Variants in CFAP96 observed in about 807,000 individuals in gnomAD.
CFAP96 encodes the protein cilia and flagella associated protein 96.
At chr4:185,428,042 C>A in the CFAP96 span, among the ~76,000 whole-genome samples, 250 of 149,838 alleles carry the variant, frequency 1.7e-3, no homozygotes, top group African/African-American at 5.6e-3. Flanking sequence ...GCCGAGATCG[C>A]GCTATTGCAC....
At chr4:185,417,658 T>C in the CFAP96 span, among the ~76,000 whole-genome samples, 1 of 152,174 alleles carries the variant, frequency 6.6e-6, no homozygotes, top group Non-Finnish European at 1.5e-5. Context: ...TTCATACAAC[T>C]TCGTGCCTTG....
At chr4:185,447,694 T>G in the CFAP96 span, among the ~76,000 whole-genome samples, 6 of 152,304 alleles carry the variant, frequency 3.9e-5, no homozygotes, top group South Asian at 1.2e-3. Context: ...GTCTTTCCTA[T>G]GAATTCAATT....
chr4:185,440,432 G>C, the CFAP96 span: 1 of 696,498 alleles, frequency 1.4e-6, no homozygotes, highest in Non-Finnish European at 2.3e-6. Context: ...ACACCCAGCA[G>C]GATAGATTTA....
chr4:185,415,849 C>T, the CFAP96 span: 1 of 1,613,064 alleles, frequency 6.2e-7, no homozygotes, highest in Non-Finnish European at 8.5e-7. Flanking sequence ...AGCATAAGAT[C>T]TATATTTACT....
At chr4:185,420,033 C>G in the CFAP96 span, among the ~76,000 whole-genome samples, 2 of 152,310 alleles carry the variant, frequency 1.3e-5, no homozygotes, top group Admixed American at 6.5e-5. Context: ...CATCAGTAAT[C>G]TATAAGGATT....
the CFAP96 span, chr4:185,418,837 T>C: frequency 8.0e-7 from 1 of 1,248,580 alleles, no homozygotes; most frequent in South Asian, 1.7e-5. Context: ...GTTCCAAACA[T>C]ACACAAAAGT....
chr4:185,413,747 T>G, the CFAP96 span: 2 of 1,611,968 alleles, frequency 1.2e-6, no homozygotes, highest in Non-Finnish European at 1.7e-6. Flanking sequence ...CCATGTTAGG[T>G]GGATTAAGGT....
chr4:185,414,421 A>T, the CFAP96 span, among the ~76,000 whole-genome samples: 1 of 152,198 alleles, frequency 6.6e-6, no homozygotes, highest in African/African-American at 2.4e-5. Flanking sequence ...AAAACATGTA[A>T]TAGGTATTTT....
At chr4:185,433,408 AAAAAAG>A in the CFAP96 span, among the ~76,000 whole-genome samples, 205 of 79,704 alleles carry the variant, frequency 2.6e-3, no homozygotes, top group African/African-American at 6.2e-3. Flanking sequence ...AAAAAAAAAA[AAAAAAG>A]AAAAGAAAAG....
chr4:185,426,098 A>T, the CFAP96 span: 1 of 590,578 alleles, frequency 1.7e-6, no homozygotes, highest in East Asian at 2.8e-5. Flanking sequence ...CTATTAGTTA[A>T]GTCTTTTCTG....
At chr4:185,417,525 T>G in the CFAP96 span, among the ~76,000 whole-genome samples, 4 of 152,172 alleles carry the variant, frequency 2.6e-5, no homozygotes, top group Non-Finnish European at 4.4e-5. Context: ...GCAATCCCTC[T>G]TCTCTATTTC....
chr4:185,423,436 G>T, the CFAP96 span, among the ~76,000 whole-genome samples: 1 of 152,136 alleles, frequency 6.6e-6, no homozygotes. Context: ...AGAATCAAAG[G>T]TTTATATTCA....
the CFAP96 span, among the ~76,000 whole-genome samples, chr4:185,438,168 A>C: frequency 6.6e-6 from 1 of 151,936 alleles, no homozygotes; most frequent in African/African-American, 2.4e-5. Flanking sequence ...ATTTCTTCAG[A>C]TATTTTTATC....
the CFAP96 span, chr4:185,418,661 AGGCCAT>A: frequency 7.4e-6 from 12 of 1,613,950 alleles, no homozygotes; most frequent in Non-Finnish European, 1.0e-5. Flanking sequence ...TGTCACTGCT[AGGCCAT>A]ATATACACTG....
chr4:185,436,012 CCTT>C, the CFAP96 span: 8 of 1,470,334 alleles, frequency 5.4e-6, no homozygotes, highest in Non-Finnish European at 5.4e-6. Flanking sequence ...ATTTTAACCT[CCTT>C]CTTTTAAAAC....
At chr4:185,424,577 G>A in the CFAP96 span, among the ~76,000 whole-genome samples, 12,900 of 152,150 alleles carry the variant, frequency 0.085, 959 homozygotes, top group African/African-American at 0.19. Context: ...TTAGCTTCAT[G>A]TTGTCCATTT....
At chr4:185,425,570 C>A in the CFAP96 span, among the ~76,000 whole-genome samples, 123 of 152,320 alleles carry the variant, frequency 8.1e-4, no homozygotes, top group Middle Eastern at 0.01. Context: ...CCAGGTTAAG[C>A]CCTTCTTGCA....
the CFAP96 span, among the ~76,000 whole-genome samples, chr4:185,438,097 A>G: frequency 6.7e-6 from 1 of 150,372 alleles, no homozygotes; most frequent in Admixed American, 6.6e-5. Flanking sequence ...AGGTTTATTG[A>G]GCTTCTTGGA....
chr4:185,429,304 C>T, the CFAP96 span: 2 of 568,348 alleles, frequency 3.5e-6, no homozygotes, highest in South Asian at 3.4e-5. Flanking sequence ...TAAACTTTTC[C>T]CCTTTATTTT....
Sources: allele counts gnomAD v4.1 joint callset (sites outside exome capture counted in the v4.1 genomes callset), GRCh38; gene constraint gnomAD v4.1.1; transcripts MANE v1.5; gene names NCBI Gene and HGNC (gene_info 2026-07-23, HGNC 2026-07-21).